The following FOXJ3 variants were observed in gnomAD, a reference collection of about 807,000 sequenced individuals.
The protein encoded by FOXJ3 is forkhead box protein J3.
In FOXJ3, 22 loss-of-function variants were observed where a neutral mutation model predicts 76.1. The ratio of observed to expected loss-of-function variants is 0.29; its 90% CI spans 0.21 to 0.41. The LOEUF is 0.41. Ranked by LOEUF, FOXJ3 falls within the 10% of genes least tolerant of loss-of-function variation. The pLI is 1.00. For synonymous variants in FOXJ3, 269 were observed against 261.2 expected (o/e 1.03, Z -0.29); for missense variants, 613 against 762.1 (o/e 0.80, Z 2.30).
intron 5 of FOXJ3, among the ~76,000 whole-genome samples, chr1:42,211,820 C>T (rs1646970990): frequency 6.6e-6 from 1 of 152,026 alleles, no homozygotes; most frequent in African/African-American, 2.4e-5. Flanking sequence ...AGAGTTTTCA[C>T]CAGGGAAAGC....
chr1:42,216,651 G>A lies in FOXJ3; in HGVS notation c.529-10788C>T, dbSNP rs560256439. Among the ~76,000 whole-genome samples the A allele has an allele frequency of 1.4e-3, 218 of 152,202 alleles. 1 individual carries two copies. Among genetic ancestry groups the A allele is most frequent in the African/African-American group, 4.5e-3 (186 of 41,524 alleles). The stretch of plus-strand genomic sequence containing the variant: ...TATTACAACTATGGGGTATAGCGAG[G>A]GAAAGAACAAAGAGGATCTACATGG... On this transcript the variant is annotated intron_variant, in intron 5 of 12. Transcript: ENST00000361346.
chr1:42,272,213 A>G (rs1651914323), intron 3 of FOXJ3, among the ~76,000 whole-genome samples: 1 of 152,200 alleles, frequency 6.6e-6, no homozygotes, highest in Non-Finnish European at 1.5e-5. Context: ...TTCAACCAAT[A>G]CAAGCTAACT....
At chr1:42,272,110 G>T (rs1651907307) in intron 3 of FOXJ3, among the ~76,000 whole-genome samples, 1 of 152,182 alleles carries the variant, frequency 6.6e-6, no homozygotes, top group Admixed American at 6.5e-5. Flanking sequence ...TTAAGCAACA[G>T]GGGCAACATA....
rs1002123495 is a variant in FOXJ3 at position 42,225,080 on chromosome 1, C to CAA, written c.528+2801_528+2802dup. On this transcript the variant is annotated intron_variant, in intron 5 of 12. Transcript: ENST00000361346. ...GACAGAGTGAAATCCAGACTCCCCT[C>CAA]AAAAAAAAAAAAGGAAAGAAAGCCT... is the stretch of plus-strand genomic sequence containing the variant. Among the ~76,000 whole-genome samples the CAA allele has an allele frequency of 4.2e-3, 546 of 128,632 alleles. 1 individual carries two copies. The highest frequency in any genetic ancestry group is 0.015 in the African/African-American group (519 of 34,996). 84.4% of individuals were successfully genotyped at this position (128,632 alleles called of 152,430 possible).
chr1:42,230,197 A>T (rs1187355749), intron 4 of FOXJ3, among the ~76,000 whole-genome samples: 2 of 152,184 alleles, frequency 1.3e-5, no homozygotes, highest in African/African-American at 4.8e-5. Flanking sequence ...ATCTTCCACC[A>T]AACAGTTCAG....
rs145036179 is a variant in FOXJ3 at position 42,218,991 on chromosome 1, C to A, written c.528+8892G>T. Reference sequence around the variant, plus strand: ...TTACATTTATATAAAGAAACTACAGCCAGAAAAATTAATACATATTCTAAG... The same window carrying A: ...TTACATTTATATAAAGAAACTACAGACAGAAAAATTAATACATATTCTAAG... On this transcript the variant is annotated intron_variant, in intron 5 of 12. Transcript: ENST00000361346. Among the ~76,000 whole-genome samples the A allele has an allele frequency of 1.4e-3, 216 of 152,250 alleles. 2 individuals carry two copies. Among genetic ancestry groups the A allele is most frequent in the African/African-American group, 4.2e-3 (176 of 41,556 alleles).
At chr1:42,282,425 T>G (rs186101483) in intron 2 of FOXJ3, among the ~76,000 whole-genome samples, 33 of 152,346 alleles carry the variant, frequency 2.2e-4, no homozygotes, top group Non-Finnish European at 2.1e-4. Flanking sequence ...CATTTTCAAC[T>G]ACTTTAGCTT....
At chr1:42,186,995 G>A (rs1646450233) in intron 11 of FOXJ3, among the ~76,000 whole-genome samples, 1 of 152,128 alleles carries the variant, frequency 6.6e-6, no homozygotes, top group Admixed American at 6.5e-5. Flanking sequence ...TTACAGGCAT[G>A]TGCCACCAGG....
chr1:42,189,540 A>G (rs1646501266), intron 9 of FOXJ3, 136 bp from the exon 10 acceptor site: 1 of 623,996 alleles, frequency 1.6e-6, no homozygotes, highest in Non-Finnish European at 2.9e-6. Flanking sequence ...TACCCATTAT[A>G]TCACGTGTTG....
intron 6 of FOXJ3, 118 bp downstream of exon 6, chr1:42,205,644 G>A (rs1646846568): frequency 3.0e-6 from 2 of 660,988 alleles, no homozygotes; most frequent in South Asian, 1.9e-5. Flanking sequence ...CCATGCATAG[G>A]GTAGACAAAT....
chr1:42,326,683 T>C (rs1179398831), intron 1 of FOXJ3, among the ~76,000 whole-genome samples: 1 of 152,214 alleles, frequency 6.6e-6, no homozygotes, highest in Non-Finnish European at 1.5e-5. Context: ...CAGATTCAAG[T>C]AAAAATGCTT....
intron 3 of FOXJ3, among the ~76,000 whole-genome samples, chr1:42,267,067 G>A (rs922316975): frequency 4.6e-5 from 7 of 152,006 alleles, no homozygotes; most frequent in African/African-American, 9.7e-5. Flanking sequence ...GAAGAGGCGC[G>A]AAACTCTCAC....
intron 8 of FOXJ3, among the ~76,000 whole-genome samples, chr1:42,192,531 C>T (rs1488004753): frequency 5.9e-5 from 9 of 152,164 alleles, no homozygotes; most frequent in Admixed American, 5.9e-4. Flanking sequence ...GAACTTTTTA[C>T]TTTCTACATA....
Position 42,311,067 on chromosome 1 carries a change from T to C in FOXJ3, c.27A>G (p.Pro9=), listed in dbSNP as rs757056443. The change falls in exon 2 of 13, where the codon CCA becomes CCG. Residue 9 remains proline, a synonymous_variant. Transcript: ENST00000361346. MGLYGQAC[P]SVTSLRMTSE... is the part of the protein sequence containing the mutation. ...GCACTCACCTTAATGAAGTTACAGATGGACAAGCCTGTCCATACAAACCCA... is the reference window on the plus strand; with the variant it reads ...GCACTCACCTTAATGAAGTTACAGACGGACAAGCCTGTCCATACAAACCCA... The C allele has an allele frequency of 8.2e-6, 13 of 1,589,348 alleles. No individual in the cohort carries two copies. Among genetic ancestry groups the C allele is most frequent in the Non-Finnish European group, 9.4e-6 (11 of 1,172,320 alleles).
rs369073233 is a variant in FOXJ3, at chr1:42,306,021, G to A, written c.44+5029C>T. The stretch of plus-strand genomic sequence containing the variant: ...AAATTAAAAACTGAAACAAAAGGAA[G>A]TTACAAAAAATAGTCTATTGTTACA... On this transcript the variant is annotated intron_variant, in intron 2 of 12. Transcript: ENST00000361346. 1.8e-4 allele frequency among the ~76,000 whole-genome samples: 27 copies of A among 152,126 alleles called. 1 individual carries two copies. The highest frequency in any genetic ancestry group is 6.3e-4 in the African/African-American group (26 of 41,504).
At chr1:42,291,128 A>G (rs1351671519) in intron 2 of FOXJ3, among the ~76,000 whole-genome samples, 1 of 150,602 alleles carries the variant, frequency 6.6e-6, no homozygotes, top group East Asian at 1.9e-4. Flanking sequence ...TTAATTTTTG[A>G]TGAAGGCATC....
At chr1:42,238,325 C>A (rs1452100524) in intron 4 of FOXJ3, among the ~76,000 whole-genome samples, 1 of 152,084 alleles carries the variant, frequency 6.6e-6, no homozygotes, top group Non-Finnish European at 1.5e-5. Context: ...GGCCACCATG[C>A]CCAGCCGCCA....
chr1:42,283,338 C>A (rs896852768), intron 2 of FOXJ3, among the ~76,000 whole-genome samples: 4 of 152,090 alleles, frequency 2.6e-5, no homozygotes, highest in African/African-American at 9.7e-5. Flanking sequence ...TATAACAACT[C>A]AAAACTGAGT....
intron 4 of FOXJ3, among the ~76,000 whole-genome samples, chr1:42,235,621 G>C (rs1256432834): frequency 6.6e-6 from 1 of 151,184 alleles, no homozygotes; most frequent in African/African-American, 2.4e-5. Flanking sequence ...GGAGTGCAGT[G>C]GCGCAACCTC....
Sources: gnomAD v4.1 joint callset for allele counts (sites outside exome capture counted in the v4.1 genomes callset) on GRCh38, gnomAD v4.1.1 for gene constraint, MANE v1.5 for transcripts, NCBI Gene and HGNC (gene_info 2026-07-23, HGNC 2026-07-21) for gene names.